Variants in RGS7 observed in about 807,000 individuals in gnomAD.
RGS7 encodes the protein regulator of G protein signaling 7, also known as regulator of G-protein signaling 7.
Under a neutral mutation model 81.1 loss-of-function variants are expected in RGS7, and 27 were observed. The observed-to-expected ratio is 0.33, with a 90% CI of 0.25 to 0.46. RGS7 has a LOEUF of 0.46. Ranked by LOEUF, RGS7 falls within the 20% of genes least tolerant of loss-of-function variation. The pLI, the probability that RGS7 is intolerant of heterozygous loss-of-function variation, is 1.00. For synonymous variants in RGS7, 208 were observed against 207.7 expected (o/e 1.00, Z -0.01); for missense variants, 396 against 607.4 (o/e 0.65, Z 3.66).
At chr1:241,114,947 C>A (rs545254123) in intron 2 of RGS7, among the ~76,000 whole-genome samples, 4 of 152,292 alleles carry the variant, frequency 2.6e-5, no homozygotes, top group African/African-American at 9.6e-5. Context: ...TTTCTTCTTT[C>A]CTTTCTCACA....
intron 2 of RGS7, among the ~76,000 whole-genome samples, chr1:241,169,282 T>C (rs1212741367): frequency 6.6e-6 from 1 of 151,896 alleles, no homozygotes; most frequent in Non-Finnish European, 1.5e-5. Flanking sequence ...CAAGTCCTTT[T>C]TTCATCCACA....
rs138233688 is a variant in RGS7, at chr1:241,151,167, T to G, written c.79-52405A>C. Among the ~76,000 whole-genome samples, 4 of 152,244 alleles carry G rather than the reference T, an allele frequency of 2.6e-5. No individual in the cohort carries two copies. In the East Asian group the frequency reaches 7.7e-4, roughly 29 times the overall value. On this transcript the variant is annotated intron_variant, in intron 2 of 18. Coordinates refer to ENST00000440928, the MANE Select transcript of RGS7 (RefSeq NM_001364886.1). ...CCCTAACAGTCGTGCCCAGAAACAA[T>G]GTTTCACCAGCCATCTAGGCATCCC...
chr1:241,273,941 C>T (rs1250599603), intron 2 of RGS7, among the ~76,000 whole-genome samples: 2 of 152,166 alleles, frequency 1.3e-5, no homozygotes, highest in Admixed American at 6.5e-5. Flanking sequence ...AGATTCTAAT[C>T]CTTCCTGCCA....
intron 2 of RGS7, among the ~76,000 whole-genome samples, chr1:241,294,315 T>G (rs2079264954): frequency 6.6e-6 from 1 of 151,262 alleles, no homozygotes; most frequent in Admixed American, 6.6e-5. Context: ...AACAAATACC[T>G]AATGCATGGG....
At chr1:240,898,475 A>G (rs1669455344) in intron 6 of RGS7, among the ~76,000 whole-genome samples, 1 of 152,140 alleles carries the variant, frequency 6.6e-6, no homozygotes, top group Non-Finnish European at 1.5e-5. Context: ...AGATTCTGGT[A>G]TGTTGTGTCT....
At chr1:241,010,583 C>G (rs1239891240) in intron 3 of RGS7, among the ~76,000 whole-genome samples, 1 of 152,202 alleles carries the variant, frequency 6.6e-6, no homozygotes, top group Admixed American at 6.5e-5. Context: ...TTATTTTGCT[C>G]TCCTCCTTAG....
intron 6 of RGS7, among the ~76,000 whole-genome samples, chr1:240,926,986 C>A (rs16841052): frequency 0.026 from 4,030 of 152,180 alleles, 171 homozygotes; most frequent in African/African-American, 0.089. Flanking sequence ...TTCAGCAGAA[C>A]CTACTTGGTA....
At chr1:241,022,409 C>T (rs1345840515) in intron 3 of RGS7, among the ~76,000 whole-genome samples, 1 of 152,210 alleles carries the variant, frequency 6.6e-6, no homozygotes, top group Non-Finnish European at 1.5e-5. Context: ...CTTTGCAGTA[C>T]TAACAAATTA....
intron 15 of RGS7, 34 bp downstream of exon 15, chr1:240,806,106 C>T (rs1466594869): frequency 6.3e-7 from 1 of 1,593,358 alleles, no homozygotes; most frequent in Non-Finnish European, 8.6e-7. Flanking sequence ...TTCTCGGAAG[C>T]ACGTTTGTGG....
chr1:240,933,640 A>C (rs1386631554), intron 5 of RGS7, among the ~76,000 whole-genome samples: 2 of 151,876 alleles, frequency 1.3e-5, no homozygotes, highest in East Asian at 3.8e-4. Context: ...AGGACATTTT[A>C]ATGCATGAGT....
chr1:241,350,639 G>A (rs1233000017), intron 2 of RGS7, among the ~76,000 whole-genome samples: 1 of 151,006 alleles, frequency 6.6e-6, no homozygotes, highest in African/African-American at 2.4e-5. Context: ...TGGGCACGGT[G>A]GTGCATACCT....
At position 241,189,998 on chromosome 1, in the gene RGS7, G is replaced by T. The variant is rs187657174; in HGVS notation, c.79-91236C>A. ...GGCACCTGTAGTCCCAGCTACTCGGGAGGCTGAGGCAGGAGAATGGCGTGA... is the reference window on the plus strand; with the variant it reads ...GGCACCTGTAGTCCCAGCTACTCGGTAGGCTGAGGCAGGAGAATGGCGTGA... On this transcript the variant is annotated intron_variant, in intron 2 of 18. Coordinates refer to ENST00000440928, the MANE Select transcript of RGS7 (RefSeq NM_001364886.1). Among the ~76,000 whole-genome samples, 23 of 152,240 alleles carry T rather than the reference G, an allele frequency of 1.5e-4. No homozygotes were observed. The East Asian group carries it at 4.3e-3, about 28-fold the overall frequency.
chr1:240,908,587 C>T (rs914781972), intron 6 of RGS7, among the ~76,000 whole-genome samples: 1 of 152,154 alleles, frequency 6.6e-6, no homozygotes. Context: ...TACCTCCCTT[C>T]CACTCCCTCC....
intron 2 of RGS7, among the ~76,000 whole-genome samples, chr1:241,302,297 C>A (rs557600804): frequency 6.6e-6 from 1 of 152,098 alleles, no homozygotes; most frequent in Admixed American, 6.5e-5. Flanking sequence ...CGCCTGTAAT[C>A]CCAGCACTTT....
At chr1:240,879,363 A>C (rs1666006358) in intron 6 of RGS7, among the ~76,000 whole-genome samples, 1 of 152,138 alleles carries the variant, frequency 6.6e-6, no homozygotes, top group African/African-American at 2.4e-5. Context: ...TTGCCTCACC[A>C]TTTATTTTAA....
intron 3 of RGS7, among the ~76,000 whole-genome samples, chr1:241,046,919 A>G (rs753357880): frequency 2.6e-5 from 4 of 152,032 alleles, no homozygotes; most frequent in Non-Finnish European, 5.9e-5. Flanking sequence ...CTGCCCATAG[A>G]TCCCCAAATG....
intron 2 of RGS7, among the ~76,000 whole-genome samples, chr1:241,306,261 CCA>C (rs2080118510): frequency 1.3e-5 from 2 of 150,662 alleles, no homozygotes; most frequent in South Asian, 4.2e-4. Flanking sequence ...GCACACATGT[CCA>C]CACACATACA....
At chr1:241,326,474 T>C (rs911691449) in intron 2 of RGS7, among the ~76,000 whole-genome samples, 1 of 152,156 alleles carries the variant, frequency 6.6e-6, no homozygotes. Context: ...CATTACCAAA[T>C]TGTGTGTCTA....
At chr1:241,238,284 A>G (rs1301050656) in intron 2 of RGS7, among the ~76,000 whole-genome samples, 6 of 152,178 alleles carry the variant, frequency 3.9e-5, no homozygotes, top group Non-Finnish European at 7.3e-5. Flanking sequence ...AATAAAAGGA[A>G]GTAATAGTGG....
Sources: gnomAD v4.1 joint callset for allele counts (sites outside exome capture counted in the v4.1 genomes callset) on GRCh38, gnomAD v4.1.1 for gene constraint, MANE v1.5 for transcripts, NCBI Gene and HGNC (gene_info 2026-07-23, HGNC 2026-07-21) for gene names.